The following FYB1 variants were observed in gnomAD, a reference collection of about 807,000 sequenced individuals.
FYB1 encodes the protein FYN-binding protein 1.
A neutral mutation model predicts 94.1 loss-of-function variants in FYB1; 41 were observed. The observed-to-expected ratio is 0.44, with a 90% CI of 0.34 to 0.57. FYB1 has a LOEUF of 0.57. FYB1 is among the 20% of genes least tolerant of loss of function. FYB1 has a pLI of 0.02. For synonymous variants in FYB1, 367 were observed against 353.2 expected (o/e 1.04, Z -0.44); for missense variants, 1,050 against 976.8 (o/e 1.07, Z -1.00).
intron 1 of FYB1, chr5:39,212,693 G>A (rs1237317819): frequency 6.6e-6 from 1 of 152,148 alleles, no homozygotes; most frequent in East Asian, 1.9e-4. Flanking sequence ...TTATAATGGT[G>A]CTCTTCACTT....
chr5:39,145,909 T>C (rs952335315), intron 3 of FYB1, among the ~76,000 whole-genome samples: 5 of 147,118 alleles, frequency 3.4e-5, no homozygotes, highest in South Asian at 2.2e-4. Flanking sequence ...TCTTTTTTTT[T>C]TTCTTTTTTT....
chr5:39,125,917 G>T, intron 12 of FYB1, 81 bp downstream of exon 12: 1 of 1,384,830 alleles, frequency 7.2e-7, no homozygotes. Context: ...TTTGGTTATT[G>T]GTTATAGAAT....
intron 2 of FYB1, among the ~76,000 whole-genome samples, chr5:39,166,798 G>A (rs1744780017): frequency 6.6e-6 from 1 of 152,048 alleles, no homozygotes. Flanking sequence ...CCTGGAGACT[G>A]GGAAGGGTGG....
Position 39,252,563 on chromosome 5 carries a change from A to G in FYB1, c.-28+21840T>C, listed in dbSNP as rs182937956. Among the ~76,000 whole-genome samples, 225 of 152,366 alleles carry G rather than the reference A, an allele frequency of 1.5e-3. 3 individuals are homozygous for G. The highest frequency in any genetic ancestry group is 2.2e-3 in the Non-Finnish European group (147 of 68,040). On this transcript the variant is annotated intron_variant, in intron 1 of 1. Coordinates refer to the FYB1 transcript ENST00000510188. ...AAAAGGTCAAAGCATATGTCTTAAGAGAAGGGCTCACAGTATCATTAGCAC... is the reference window on the plus strand; with the variant it reads ...AAAAGGTCAAAGCATATGTCTTAAGGGAAGGGCTCACAGTATCATTAGCAC...
intron 1 of FYB1, among the ~76,000 whole-genome samples, chr5:39,269,292 G>A (rs149795381): frequency 1.3e-5 from 2 of 152,018 alleles, no homozygotes; most frequent in East Asian, 1.9e-4. Flanking sequence ...CTCGTGATCC[G>A]CCTGCCTCGG....
chr5:39,196,884 A>G lies in FYB1; in HGVS notation c.1135+4942T>C, dbSNP rs188187852. Among the ~76,000 whole-genome samples the G allele has an allele frequency of 1.9e-4, 29 of 152,338 alleles. 1 individual carries two copies. Among genetic ancestry groups the G allele is most frequent in the Admixed American group, 1.9e-3 (29 of 15,306 alleles). On this transcript the variant is annotated intron_variant, in intron 2 of 18. Coordinates refer to ENST00000512982, the MANE Select transcript of FYB1 (RefSeq NM_001465.6). ...ACCTAACCTCTCTGAGCTTTAGTTT[A>G]CTCATAGAATTCCTATTCATGGCTT...
chr5:39,249,352 G>A lies in FYB1; in HGVS notation c.-28+25051C>T, dbSNP rs150962344. On this transcript the variant is annotated intron_variant, in intron 1 of 1. Transcript: ENST00000510188. ...ACCACATGGTCTTTGCTGAAATGAC[G>A]CAGCTCTGCTCTTGTAGTATGAGGG... Among the ~76,000 whole-genome samples the A allele has an allele frequency of 1.8e-3, 274 of 152,272 alleles. 2 individuals carry two copies. Among genetic ancestry groups the A allele is most frequent in the African/African-American group, 6.1e-3 (252 of 41,544 alleles).
chr5:39,127,117 T>C (rs1013737310), intron 11 of FYB1, among the ~76,000 whole-genome samples: 1 of 141,778 alleles, frequency 7.1e-6, no homozygotes, highest in African/African-American at 2.6e-5. Context: ...CCATTTAAAA[T>C]GGAAAAAGAA....
rs1741111913 is a variant in FYB1, at chr5:39,130,663, T to C, written c.1818-51A>G. 8 of 1,383,496 alleles carry C rather than the reference T, an allele frequency of 5.8e-6. No individual in the cohort carries two copies. The South Asian group carries it at 8.7e-5, about 15-fold the overall frequency. 85.7% of individuals were successfully genotyped at this position (1,383,496 alleles called of 1,614,324 possible). A position where few individuals can be genotyped will look rare whatever the true frequency, so the allele number is the denominator to read the frequency against. On this transcript the variant is annotated intron_variant, in intron 9 of 18. Transcript: ENST00000512982. ...AGTTAATCTATGAATTACTTAGCTA[T>C]GAGGAAGAGAAGTACATATCCTGAT...
intron 2 of FYB1, chr5:39,169,343 C>T: frequency 1.3e-6 from 1 of 761,760 alleles, no homozygotes; most frequent in Non-Finnish European, 2.4e-6. Flanking sequence ...GAAAAATTCC[C>T]AGACGAATAC....
At chr5:39,153,635 TA>T in intron 2 of FYB1, 31 bp from the exon 3 acceptor site, 1 of 1,563,140 alleles carries the variant, frequency 6.4e-7, no homozygotes, top group South Asian at 1.2e-5. Flanking sequence ...TACCATGAAT[TA>T]AGACAAATCT....
chr5:39,138,011 G>T (rs1580359889), intron 6 of FYB1: 2 of 387,734 alleles, frequency 5.2e-6, no homozygotes, highest in Non-Finnish European at 9.4e-6. Flanking sequence ...CGCATAAATA[G>T]AATCCATCTC....
At chr5:39,160,062 G>A (rs889012617) in intron 2 of FYB1, among the ~76,000 whole-genome samples, 3 of 152,136 alleles carry the variant, frequency 2.0e-5, no homozygotes, top group African/African-American at 7.2e-5. Flanking sequence ...TGTTTGGATG[G>A]CCTCATGGAG....
chr5:39,244,976 C>T (rs185885881), intron 1 of FYB1, among the ~76,000 whole-genome samples: 5 of 152,130 alleles, frequency 3.3e-5, no homozygotes, highest in East Asian at 1.9e-4. Context: ...TCTGTGGGAT[C>T]GGTGGTGATA....
chr5:39,245,781 T>C (rs887291092), intron 1 of FYB1, among the ~76,000 whole-genome samples: 4 of 152,078 alleles, frequency 2.6e-5, no homozygotes, highest in African/African-American at 9.7e-5. Context: ...GTATTTTTAG[T>C]AGAGACGCGG....
chr5:39,196,208 C>CTTTTT (rs5867445), intron 2 of FYB1, among the ~76,000 whole-genome samples: 9 of 128,274 alleles, frequency 7.0e-5, no homozygotes, highest in Non-Finnish European at 1.1e-4. Context: ...ATAATTCTTT[C>CTTTTT]TTTTTTTTTT....
intron 5 of FYB1, 110 bp downstream of exon 5, chr5:39,139,123 G>T: frequency 7.2e-6 from 8 of 1,108,402 alleles, no homozygotes; most frequent in Non-Finnish European, 8.7e-6. Context: ...AAATATCATT[G>T]CTCATAAGGA....
chr5:39,176,918 A>G (rs556787555), intron 2 of FYB1, among the ~76,000 whole-genome samples: 10 of 152,214 alleles, frequency 6.6e-5, no homozygotes, highest in Non-Finnish European at 4.4e-5. Context: ...AGGCAGGAGC[A>G]AAAACAGAAA....
intron 14 of FYB1, among the ~76,000 whole-genome samples, chr5:39,121,465 T>A (rs1300729000): frequency 6.6e-6 from 1 of 152,186 alleles, no homozygotes; most frequent in Non-Finnish European, 1.5e-5. Context: ...AAATAAATAC[T>A]TAGCGTTTAC....
Sources: allele counts gnomAD v4.1 joint callset (sites outside exome capture counted in the v4.1 genomes callset), GRCh38; gene constraint gnomAD v4.1.1; transcripts MANE v1.5; gene names NCBI Gene and HGNC (gene_info 2026-07-23, HGNC 2026-07-21).